Variants in POU6F2 observed in about 807,000 individuals in gnomAD.
The protein encoded by POU6F2 is POU domain, class 6, transcription factor 2.
A neutral mutation model predicts 71.3 loss-of-function variants in POU6F2; 31 were observed. The ratio of observed to expected loss-of-function variants is 0.43; its 90% CI spans 0.33 to 0.59. The LOEUF is 0.59. Ranked by LOEUF, POU6F2 falls within the 20% of genes least tolerant of loss-of-function variation. The pLI is 0.04. For synonymous variants in POU6F2, 347 were observed against 355.7 expected (o/e 0.98, Z 0.27); for missense variants, 783 against 856.8 (o/e 0.91, Z 1.07).
In POU6F2 at chr7:39,285,669, G is replaced by GA. The variant is rs1252178687; in HGVS notation, c.599-53966dup. ...TTTTAAATCATGTGAGTTAGATTTT[G>GA]AAAAAAATACATATTTCAATCAGCC... On this transcript the variant is annotated intron_variant, in intron 4 of 9. Coordinates refer to ENST00000518318, the MANE Select transcript of POU6F2 (RefSeq NM_001370959.1). Among the ~76,000 whole-genome samples, 5 of 151,946 alleles carry GA rather than the reference G, an allele frequency of 3.3e-5. No homozygotes were observed. In the South Asian group the frequency reaches 8.3e-4, roughly 25 times the overall value.
intron 1 of POU6F2, among the ~76,000 whole-genome samples, chr7:39,051,621 T>C (rs1790401879): frequency 6.6e-6 from 1 of 152,118 alleles, no homozygotes; most frequent in Admixed American, 6.6e-5. Flanking sequence ...TTTAGTAATA[T>C]TCTTTGAGAC....
chr7:39,256,215 C>A (rs770428646), intron 4 of POU6F2, among the ~76,000 whole-genome samples: 3 of 151,852 alleles, frequency 2.0e-5, no homozygotes, highest in African/African-American at 7.3e-5. Context: ...TATGCATCTA[C>A]TTCCTTTCAT....
chr7:39,312,893 G>A (rs546308060), intron 4 of POU6F2, among the ~76,000 whole-genome samples: 67 of 152,218 alleles, frequency 4.4e-4, no homozygotes, highest in Admixed American at 6.5e-4. Flanking sequence ...CACGCTACTC[G>A]GAATGGCATG....
At chr7:39,219,356 A>C (rs991216337) in intron 4 of POU6F2, among the ~76,000 whole-genome samples, 1 of 152,194 alleles carries the variant, frequency 6.6e-6, no homozygotes, top group Admixed American at 6.5e-5. Context: ...AATTAAATCT[A>C]TTATTTAAAA....
chr7:39,016,765 GAC>G, intron 1 of POU6F2, among the ~76,000 whole-genome samples: 1 of 152,300 alleles, frequency 6.6e-6, no homozygotes, highest in South Asian at 2.1e-4. Context: ...TGTAGGTCAA[GAC>G]GGCGTTAAGC....
intron 7 of POU6F2, among the ~76,000 whole-genome samples, chr7:39,446,779 C>G (rs2282918): frequency 0.32 from 48,806 of 152,036 alleles, 8,556 homozygotes; most frequent in East Asian, 0.58. Context: ...TCTGGAAAAT[C>G]CACAGCCACA....
intron 4 of POU6F2, among the ~76,000 whole-genome samples, chr7:39,243,227 G>C (rs1259001154): frequency 6.6e-6 from 1 of 152,054 alleles, no homozygotes; most frequent in African/African-American, 2.4e-5. Flanking sequence ...AAGAGTGGTG[G>C]CCCCCAAAAG....
rs370473794 is a variant in POU6F2 at position 39,200,796 on chromosome 7, G to A, written c.278-3439G>A. Among the ~76,000 whole-genome samples the A allele has an allele frequency of 8.7e-4, 132 of 151,844 alleles. 2 individuals are homozygous for A. In the South Asian group the frequency reaches 0.02, roughly 23 times the overall value. Reference sequence around the variant, plus strand: ...AGGCTAATGTGGGAGGATCACTTGAGGCCAGGAGTTCAAGACCAGTATGGG... The same window carrying A: ...AGGCTAATGTGGGAGGATCACTTGAAGCCAGGAGTTCAAGACCAGTATGGG... On this transcript the variant is annotated intron_variant, in intron 2 of 9. Coordinates refer to ENST00000518318, the MANE Select transcript of POU6F2 (RefSeq NM_001370959.1).
At chr7:39,223,902 G>T (rs1028578227) in intron 4 of POU6F2, among the ~76,000 whole-genome samples, 8 of 152,072 alleles carry the variant, frequency 5.3e-5, no homozygotes, top group Non-Finnish European at 1.2e-4. Context: ...AATTAAGTTG[G>T]TTCTTCACTT....
In POU6F2 at chr7:39,339,733, C is replaced by G. The variant is rs1785869160; in HGVS notation, c.690C>G (p.Thr230=). 3 of 1,604,966 alleles carry G rather than the reference C, an allele frequency of 1.9e-6. No individual in the cohort carries two copies. The highest frequency in any genetic ancestry group is 2.5e-6 in the Non-Finnish European group (3 of 1,176,560). ...QQQQQQPPPS[T]NQHPQPAPQA... is the part of the protein sequence containing the mutation. ...AGCAGCAGCAGCCTCCCCCGTCAAC[C>G]AACCAGCACCCGCAACCAGCCCCAC... The change falls in exon 5 of 10, where the codon ACC becomes ACG. Residue 230 remains threonine, a synonymous_variant. Transcript: ENST00000518318.
At chr7:39,321,557 G>A (rs1048535099) in intron 4 of POU6F2, among the ~76,000 whole-genome samples, 1 of 152,210 alleles carries the variant, frequency 6.6e-6, no homozygotes, top group African/African-American at 2.4e-5. Context: ...ACTCTCTGGA[G>A]ATGTGGGGAG....
chr7:39,182,949 T>C (rs1034682271), intron 2 of POU6F2, among the ~76,000 whole-genome samples: 55 of 152,196 alleles, frequency 3.6e-4, no homozygotes, highest in African/African-American at 1.3e-3. Flanking sequence ...TCTGGGAACC[T>C]TGCTTGGCAA....
At chr7:39,223,595 C>A (rs1265025170) in intron 4 of POU6F2, among the ~76,000 whole-genome samples, 1 of 152,178 alleles carries the variant, frequency 6.6e-6, no homozygotes, top group Non-Finnish European at 1.5e-5. Flanking sequence ...AGGACCTAAA[C>A]AATCATCCTG....
chr7:39,437,695 G>C (rs1788283025), intron 7 of POU6F2, among the ~76,000 whole-genome samples: 1 of 151,928 alleles, frequency 6.6e-6, no homozygotes, highest in African/African-American at 2.4e-5. Flanking sequence ...TGCCTCTCTA[G>C]TTCTTAATTG....
chr7:39,154,354 G>A (rs925847288), intron 2 of POU6F2, among the ~76,000 whole-genome samples: 2 of 152,018 alleles, frequency 1.3e-5, no homozygotes, highest in East Asian at 1.9e-4. Context: ...TGGCCCCAGC[G>A]TGATAATGCC....
At chr7:39,015,601 T>A (rs1789467583) in intron 1 of POU6F2, among the ~76,000 whole-genome samples, 1 of 103,984 alleles carries the variant, frequency 9.6e-6, no homozygotes, top group Admixed American at 1.4e-4. Context: ...TAGATATATC[T>A]ATGTTTTATA....
At chr7:39,016,048 T>TTATATATAATATATAG (rs1562671280) in intron 1 of POU6F2, among the ~76,000 whole-genome samples, 1 of 49,078 alleles carries the variant, frequency 2.0e-5, no homozygotes, top group Non-Finnish European at 3.9e-5. Flanking sequence ...TATTATATAT[T>TTATATATAATATATAG]ATATATATTA....
intron 4 of POU6F2, among the ~76,000 whole-genome samples, chr7:39,226,920 T>C (rs938504775): frequency 2.6e-5 from 4 of 152,218 alleles, no homozygotes; most frequent in Non-Finnish European, 5.9e-5. Flanking sequence ...CTATTCTTCT[T>C]CCCTTTACAC....
At chr7:39,045,313 A>G (rs1790269843) in intron 1 of POU6F2, among the ~76,000 whole-genome samples, 1 of 151,894 alleles carries the variant, frequency 6.6e-6, no homozygotes, top group South Asian at 2.1e-4. Context: ...AGAGCTTCCT[A>G]TATAAAAGCC....
Sources: gnomAD v4.1 joint callset for allele counts (sites outside exome capture counted in the v4.1 genomes callset) on GRCh38, gnomAD v4.1.1 for gene constraint, MANE v1.5 for transcripts, NCBI Gene and HGNC (gene_info 2026-07-23, HGNC 2026-07-21) for gene names.